Variants in GALNT13 observed in about 807,000 individuals in gnomAD.
The protein encoded by GALNT13 is polypeptide N-acetylgalactosaminyltransferase 13, also known as UDP-GalNAc:polypeptide N-acetylgalactosaminyltransferase 13.
A neutral mutation model predicts 64.2 loss-of-function variants in GALNT13; 28 were observed. The observed-to-expected ratio is 0.44, with a 90% CI of 0.32 to 0.60. The LOEUF (loss-of-function observed/expected upper bound fraction) is 0.60, where lower values mean the gene tolerates loss of function less well. Among genes scored for constraint, GALNT13 ranks in the 20% least tolerant of loss-of-function variants. The pLI, the probability that GALNT13 is intolerant of heterozygous loss-of-function variation, is 0.05. For synonymous variants in GALNT13, 214 were observed against 224.6 expected, an observed-to-expected ratio of 0.95 and a Z score of 0.42; for missense variants, 577 against 669.8, an observed-to-expected ratio of 0.86 and a Z score of 1.53.
chr2:153,226,668 A>G, the GALNT13 span, among the ~76,000 whole-genome samples: 1 of 152,228 alleles, frequency 6.6e-6, no homozygotes, highest in Non-Finnish European at 1.5e-5. Context: ...ATCAAAAACA[A>G]GAAAAATCTG....
intron 4 of GALNT13, among the ~76,000 whole-genome samples, chr2:154,143,494 TA>T (rs142804543): frequency 0.059 from 8,664 of 147,862 alleles, 374 homozygotes; most frequent in South Asian, 0.12. Flanking sequence ...AACCATGAAT[TA>T]AAAAAAAAAT....
chr2:153,700,472 G>A, the GALNT13 span, among the ~76,000 whole-genome samples: 1 of 152,082 alleles, frequency 6.6e-6, no homozygotes, highest in African/African-American at 2.4e-5. Flanking sequence ...ATTCAACATA[G>A]TACTGGAATT....
the GALNT13 span, among the ~76,000 whole-genome samples, chr2:153,270,662 A>G: frequency 2.6e-5 from 4 of 152,054 alleles, no homozygotes; most frequent in Non-Finnish European, 5.9e-5. Context: ...GGAGTTTGAG[A>G]CCAGCGTGAG....
the GALNT13 span, among the ~76,000 whole-genome samples, chr2:153,096,269 T>A: frequency 6.6e-6 from 1 of 151,884 alleles, no homozygotes; most frequent in Non-Finnish European, 1.5e-5. Context: ...GTTTTAAGAT[T>A]TTTTTTTGTG....
At chr2:153,655,961 G>A in the GALNT13 span, among the ~76,000 whole-genome samples, 8 of 152,054 alleles carry the variant, frequency 5.3e-5, no homozygotes, top group Admixed American at 3.9e-4. Flanking sequence ...TAGGTATAAT[G>A]TCTTCACATA....
chr2:153,623,632 A>G, the GALNT13 span, among the ~76,000 whole-genome samples: 1 of 152,066 alleles, frequency 6.6e-6, no homozygotes, highest in Non-Finnish European at 1.5e-5. Context: ...ATGGAACGAA[A>G]TATAATTATT....
At chr2:153,729,117 A>T in the GALNT13 span, among the ~76,000 whole-genome samples, 1 of 152,182 alleles carries the variant, frequency 6.6e-6, no homozygotes, top group Non-Finnish European at 1.5e-5. Context: ...AAAAAGAAGG[A>T]CTACTCCCTA....
intron 3 of GALNT13, among the ~76,000 whole-genome samples, chr2:153,996,100 A>T (rs1179602833): frequency 6.6e-6 from 1 of 152,102 alleles, no homozygotes; most frequent in African/African-American, 2.4e-5. Context: ...AATTGCTTCC[A>T]TCTCTTGACT....
At chr2:154,085,002 C>T (rs1420155451) in intron 3 of GALNT13, among the ~76,000 whole-genome samples, 1 of 151,738 alleles carries the variant, frequency 6.6e-6, no homozygotes, top group Non-Finnish European at 1.5e-5. Context: ...TGCATGTTCC[C>T]AAGAACTTAA....
At chr2:153,181,164 A>G in the GALNT13 span, among the ~76,000 whole-genome samples, 2 of 148,190 alleles carry the variant, frequency 1.3e-5, no homozygotes, top group African/African-American at 5.0e-5. Flanking sequence ...TTTTCCTCTT[A>G]GAACTTATTT....
chr2:153,548,248 G>C, the GALNT13 span, among the ~76,000 whole-genome samples: 9 of 152,156 alleles, frequency 5.9e-5, no homozygotes, highest in Non-Finnish European at 1.0e-4. Context: ...GAAGCTCACA[G>C]GTGATGCCAG....
intron 4 of GALNT13, among the ~76,000 whole-genome samples, chr2:154,221,694 A>T (rs1395140245): frequency 6.6e-6 from 1 of 152,128 alleles, no homozygotes; most frequent in African/African-American, 2.4e-5. Flanking sequence ...TAGAGTTCAG[A>T]TACTAACCCT....
the GALNT13 span, among the ~76,000 whole-genome samples, chr2:153,511,301 G>C: frequency 6.6e-6 from 1 of 151,732 alleles, no homozygotes; most frequent in Non-Finnish European, 1.5e-5. Flanking sequence ...AAGGGGCGGG[G>C]GTTGGCTATA....
chr2:153,960,465 G>A (rs1692868193), intron 3 of GALNT13, among the ~76,000 whole-genome samples: 2 of 152,218 alleles, frequency 1.3e-5, no homozygotes, highest in African/African-American at 4.8e-5. Context: ...CTCTGTGACT[G>A]CTCCTGCAGA....
At chr2:154,215,735 T>G (rs1411238992) in intron 4 of GALNT13, among the ~76,000 whole-genome samples, 2 of 152,232 alleles carry the variant, frequency 1.3e-5, no homozygotes, top group Middle Eastern at 3.4e-3. Context: ...TCTCCAGCTC[T>G]TACCAGATCA....
At chr2:154,439,463 T>C (rs1701170873) in intron 12 of GALNT13, among the ~76,000 whole-genome samples, 1 of 150,272 alleles carries the variant, frequency 6.7e-6, no homozygotes, top group Non-Finnish European at 1.5e-5. Flanking sequence ...TTGTCTGTGT[T>C]ACATTTCCCA....
At chr2:153,364,079 T>A in the GALNT13 span, among the ~76,000 whole-genome samples, 1 of 152,204 alleles carries the variant, frequency 6.6e-6, no homozygotes, top group Non-Finnish European at 1.5e-5. Flanking sequence ...CAAGGCTGGT[T>A]CAACCTATGC....
the GALNT13 span, among the ~76,000 whole-genome samples, chr2:153,363,359 G>A: frequency 6.6e-6 from 1 of 152,036 alleles, no homozygotes; most frequent in Non-Finnish European, 1.5e-5. Flanking sequence ...CCAAGAGCTA[G>A]CAGAAGACAA....
chr2:154,355,166 C>G (rs906750353), intron 9 of GALNT13, among the ~76,000 whole-genome samples: 2 of 152,020 alleles, frequency 1.3e-5, no homozygotes, highest in Admixed American at 1.3e-4. Flanking sequence ...TTTCTTCTTC[C>G]CAAGCTCAGG....
Sources: allele counts gnomAD v4.1 joint callset (sites outside exome capture counted in the v4.1 genomes callset), GRCh38; gene constraint gnomAD v4.1.1; transcripts MANE v1.5; gene names NCBI Gene and HGNC (gene_info 2026-07-23, HGNC 2026-07-21).